SPAG16: variants seen among roughly 807,000 people sequenced by gnomAD.
SPAG16 encodes the protein sperm-associated antigen 16 protein.
A neutral mutation model predicts 80.4 loss-of-function variants in SPAG16; 86 were observed. That is an observed-to-expected ratio of 1.07 (90% CI 0.90 to 1.28). The LOEUF (loss-of-function observed/expected upper bound fraction) is 1.28, where lower values mean the gene tolerates loss of function less well. Ranked by LOEUF, SPAG16 falls within the 50% of genes most tolerant of loss-of-function variation. The pLI is 0.00. For missense variants in SPAG16, 870 were observed against 765.3 expected (o/e 1.14, Z -1.61); for synonymous variants, 294 against 265.9 (o/e 1.11, Z -1.03).
chr2:213,797,107 TA>T (rs2071090734), intron 10 of SPAG16, among the ~76,000 whole-genome samples: 1 of 151,694 alleles, frequency 6.6e-6, no homozygotes, highest in South Asian at 2.1e-4. Flanking sequence ...ATAAGGAAAA[TA>T]TTTTGTACAG....
intron 10 of SPAG16, among the ~76,000 whole-genome samples, chr2:213,563,451 G>A (rs977557207): frequency 6.6e-6 from 1 of 152,204 alleles, no homozygotes; most frequent in African/African-American, 2.4e-5. Flanking sequence ...GAGGCTGAAA[G>A]TCCTAAATCA....
chr2:214,179,032 T>TGA (rs1440703235), intron 15 of SPAG16, among the ~76,000 whole-genome samples: 5 of 151,468 alleles, frequency 3.3e-5, no homozygotes, highest in African/African-American at 1.2e-4. Context: ...AAAACTACAA[T>TGA]ACCTGAGTAA....
chr2:213,606,696 T>A (rs1390446524), intron 10 of SPAG16, among the ~76,000 whole-genome samples: 1 of 152,226 alleles, frequency 6.6e-6, no homozygotes, highest in African/African-American at 2.4e-5. Flanking sequence ...GATTTTATTA[T>A]CTACACTTGG....
intron 12 of SPAG16, among the ~76,000 whole-genome samples, chr2:214,006,951 C>A (rs1024755214): frequency 2.0e-5 from 3 of 152,152 alleles, no homozygotes; most frequent in Non-Finnish European, 2.9e-5. Context: ...CCTTCCCCCC[C>A]ACCACCATAA....
At chr2:214,286,441 A>C (rs1374463524) in intron 15 of SPAG16, among the ~76,000 whole-genome samples, 2 of 151,282 alleles carry the variant, frequency 1.3e-5, no homozygotes, top group Non-Finnish European at 2.9e-5. Context: ...TGACTAAATA[A>C]ATAGTGTATA....
chr2:213,744,905 G>T (rs2067743659), intron 10 of SPAG16, among the ~76,000 whole-genome samples: 1 of 152,134 alleles, frequency 6.6e-6, no homozygotes, highest in South Asian at 2.1e-4. Context: ...GGCATTCATA[G>T]ATTTTCAAAC....
At chr2:214,071,210 C>T (rs1283360773) in intron 13 of SPAG16, among the ~76,000 whole-genome samples, 1 of 152,058 alleles carries the variant, frequency 6.6e-6, no homozygotes, top group Non-Finnish European at 1.5e-5. Flanking sequence ...TATAGTTATA[C>T]AGCTAGGAAG....
At chr2:213,621,962 C>T (rs1232012862) in intron 10 of SPAG16, among the ~76,000 whole-genome samples, 3 of 152,088 alleles carry the variant, frequency 2.0e-5, no homozygotes, top group Non-Finnish European at 2.9e-5. Context: ...AGTCTTAGAA[C>T]CATTGGAGGA....
intron 11 of SPAG16, 115 bp from the exon 12 acceptor site, chr2:213,929,845 C>T: frequency 9.2e-6 from 8 of 865,286 alleles, no homozygotes; most frequent in East Asian, 2.7e-5. Context: ...TATGCCACTA[C>T]AAGTAAAAAT....
At chr2:213,335,786 A>AT (rs2064327733) in intron 5 of SPAG16, among the ~76,000 whole-genome samples, 1 of 152,198 alleles carries the variant, frequency 6.6e-6, no homozygotes, top group Non-Finnish European at 1.5e-5. Context: ...TCACCTGAAC[A>AT]TTGTTTATTT....
chr2:213,929,868 T>A, intron 11 of SPAG16, 92 bp from the exon 12 acceptor site: 3 of 1,097,208 alleles, frequency 2.7e-6, no homozygotes, highest in Non-Finnish European at 4.0e-6. Context: ...ATCAGATACA[T>A]ACACATACAC....
At chr2:214,082,934 C>T (rs746250969) in intron 13 of SPAG16, among the ~76,000 whole-genome samples, 7 of 152,152 alleles carry the variant, frequency 4.6e-5, no homozygotes, top group Non-Finnish European at 1.0e-4. Flanking sequence ...CTACCATTTA[C>T]CAACATAATC....
chr2:213,696,303 A>G (rs1465522160), intron 10 of SPAG16, among the ~76,000 whole-genome samples: 1 of 152,216 alleles, frequency 6.6e-6, no homozygotes, highest in African/African-American at 2.4e-5. Flanking sequence ...TAGATGCTTT[A>G]TTAGGCATGC....
At chr2:213,819,231 C>T in intron 10 of SPAG16, among the ~76,000 whole-genome samples, 1 of 152,290 alleles carries the variant, frequency 6.6e-6, no homozygotes, top group Middle Eastern at 3.4e-3. Context: ...CAATTCCAAT[C>T]AGAGAGTTTT....
intron 10 of SPAG16, among the ~76,000 whole-genome samples, chr2:213,774,500 T>TAA (rs2069449194): frequency 6.6e-6 from 1 of 152,224 alleles, no homozygotes; most frequent in Non-Finnish European, 1.5e-5. Context: ...GGGTCTACCC[T>TAA]ATTTCCTGTG....
chr2:213,856,635 C>T (rs559130672), intron 10 of SPAG16, among the ~76,000 whole-genome samples: 1 of 152,262 alleles, frequency 6.6e-6, no homozygotes, highest in East Asian at 1.9e-4. Flanking sequence ...CTTCTGATCC[C>T]CCACAGGCCC....
At chr2:213,417,443 C>G (rs2125420083) in intron 9 of SPAG16, among the ~76,000 whole-genome samples, 1 of 152,294 alleles carries the variant, frequency 6.6e-6, no homozygotes, top group Admixed American at 6.5e-5. Context: ...ATGCAGGGAA[C>G]TAGACCTGTT....
At chr2:213,645,456 G>A (rs578071684) in intron 10 of SPAG16, among the ~76,000 whole-genome samples, 2 of 152,294 alleles carry the variant, frequency 1.3e-5, no homozygotes, top group African/African-American at 4.8e-5. Flanking sequence ...AGGAATCTTA[G>A]TTAGCAGGTG....
At chr2:213,697,520 T>C (rs1183006790) in intron 10 of SPAG16, among the ~76,000 whole-genome samples, 1 of 152,176 alleles carries the variant, frequency 6.6e-6, no homozygotes, top group Non-Finnish European at 1.5e-5. Flanking sequence ...AAATTGAAGA[T>C]TTTGAGTACA....
Sources: allele counts gnomAD v4.1 joint callset (sites outside exome capture counted in the v4.1 genomes callset), GRCh38; gene constraint gnomAD v4.1.1; transcripts MANE v1.5; gene names NCBI Gene and HGNC (gene_info 2026-07-23, HGNC 2026-07-21).